PLXNB2: variants seen among roughly 807,000 people sequenced by gnomAD.
The protein encoded by PLXNB2 is plexin-B2.
A neutral mutation model predicts 202.6 loss-of-function variants in PLXNB2; 85 were observed. The ratio of observed to expected loss-of-function variants is 0.42; its 90% CI spans 0.35 to 0.50. PLXNB2 has a LOEUF of 0.50. Among genes scored for constraint, PLXNB2 ranks in the 20% least tolerant of loss-of-function variants. PLXNB2 has a pLI of 0.02. For missense variants in PLXNB2, 2,063 were observed against 2,586.2 expected (o/e 0.80, Z 4.39); for synonymous variants, 1,239 against 1,137.6 (o/e 1.09, Z -1.79).
At chr22:50,276,548 G>T in intron 35 of PLXNB2, 81 bp downstream of exon 35, 1 of 1,218,588 alleles carries the variant, frequency 8.2e-7, no homozygotes, top group Non-Finnish European at 1.2e-6. Context: ...CATTACCCCT[G>T]CCCTGCAGCT....
Position 50,289,586 on chromosome 22 carries a change from G to A in PLXNB2, c.999C>T (p.Gly333=), listed in dbSNP as rs2066724861. Reference sequence around the variant, plus strand: ...AGAAGATGTCACGGGCCTCCCGGGTGCCTGTGTAACAGGCGTTGCGGTTGG... The same window carrying A: ...AGAAGATGTCACGGGCCTCCCGGGTACCTGTGTAACAGGCGTTGCGGTTGG... ...MEANRNACYT[G]TREARDIFYK... Residue 333 remains glycine, a synonymous_variant, in exon 3 of 37, where the codon GGC becomes GGT. Transcript: ENST00000359337. The surrounding 1 kb of genome is among the most constrained non-coding windows in gnomAD (Gnocchi z 8.0). The A allele has an allele frequency of 6.2e-6, 10 of 1,611,262 alleles. No individual in the cohort carries two copies. The highest frequency in any genetic ancestry group is 8.5e-6 in the Non-Finnish European group (10 of 1,179,896).
chr22:50,302,815 A>G (rs934090107), intron 1 of PLXNB2, among the ~76,000 whole-genome samples: 7 of 151,584 alleles, frequency 4.6e-5, no homozygotes, highest in South Asian at 2.1e-4. Flanking sequence ...CGCTGGTGGG[A>G]GGGAGGCCCT....
Position 50,278,023 on chromosome 22 carries a change from G to T in PLXNB2, c.4888-10C>A. The T allele has an allele frequency of 6.2e-7, 1 of 1,610,234 alleles. No individual in the cohort carries two copies. Among genetic ancestry groups the T allele is most frequent in the Non-Finnish European group, 8.5e-7 (1 of 1,177,728 alleles). On this transcript the variant is annotated splice_polypyrimidine_tract_variant and intron_variant, in intron 31 of 36. Transcript: ENST00000359337. ...ACTGCTGCAGTGTGCCCTGTGGGGG[G>T]GAGGGTCTCAGCGTGACGCCGTGGG...
chr22:50,275,891 C>T lies in PLXNB2; in HGVS notation c.5410G>A (p.Glu1804Lys), dbSNP rs149124212. ...CGCCCCCGGGGGCCTGACCCTACCT[C>T]GTCATAGTACTTCTGCGTGTATTGG... is the stretch of plus-strand genomic sequence containing the variant. The part of the protein sequence containing the change: ...LYQYTQKYYD[E>K]IINALEEDPA... The change falls in exon 36 of 37, where the codon GAG becomes AAG. Residue 1804 changes from glutamate (E) to lysine (K), a missense_variant and splice_region_variant. By Grantham distance (56) the Glu-to-Lys change is moderately conservative. Coordinates refer to ENST00000359337, the MANE Select transcript of PLXNB2 (RefSeq NM_012401.4). 6,466 of 1,612,508 alleles carry T rather than the reference C, an allele frequency of 4.0e-3. 40 individuals carry two copies. Among genetic ancestry groups the T allele is most frequent in the South Asian group, 9.1e-3 (833 of 91,070 alleles).
chr22:50,298,002 T>G (rs2067397621), intron 1 of PLXNB2, among the ~76,000 whole-genome samples: 1 of 152,126 alleles, frequency 6.6e-6, no homozygotes, highest in East Asian at 1.9e-4. Flanking sequence ...ACACCCTCCC[T>G]AACCCAGCCC....
At chr22:50,279,222 G>A (rs778304566) in intron 27 of PLXNB2, among the ~76,000 whole-genome samples, 15 of 152,160 alleles carry the variant, frequency 9.9e-5, no homozygotes, top group Non-Finnish European at 2.1e-4. Context: ...ACAGAAAGAC[G>A]GGGACGGCTC....
In PLXNB2 at chr22:50,278,286, C is replaced by CA; in HGVS notation, c.4733-16dup. 1.9e-6 allele frequency: 3 copies of CA among 1,610,044 alleles called. No individual in the cohort carries two copies. In the East Asian group the frequency reaches 6.7e-5, roughly 36 times the overall value. Reference sequence around the variant, plus strand: ...GAGGGCATGGCCTGTGGGGAGCGGGCACTGAGGGACCCCTACCCAGGTCTG... The same window carrying CA: ...GAGGGCATGGCCTGTGGGGAGCGGGCAACTGAGGGACCCCTACCCAGGTCTG... On this transcript the variant is annotated splice_polypyrimidine_tract_variant and intron_variant, in intron 30 of 36. Transcript: ENST00000359337.
chr22:50,303,400 C>T (rs2067778776), intron 1 of PLXNB2, among the ~76,000 whole-genome samples: 1 of 152,220 alleles, frequency 6.6e-6, no homozygotes, highest in Non-Finnish European at 1.5e-5. Context: ...CCCCAGACGC[C>T]AATCTGACAG....
At position 50,283,160 on chromosome 22, in the gene PLXNB2, C is replaced by T. The variant is rs569879746; in HGVS notation, c.2706G>A (p.Pro902=). ...TGCCGCCCGCCTGCGGTCCCTGCTG[C>T]GGCTCCACACTGAGAGGCTTGGGCT... ...FQQPKPLSVE[P]QQGPQAGGTT... The change falls in exon 17 of 37, where the codon CCG becomes CCA. Residue 902 remains proline, a synonymous_variant. Coordinates refer to ENST00000359337, the MANE Select transcript of PLXNB2 (RefSeq NM_012401.4). The T allele has an allele frequency of 4.4e-5, 71 of 1,597,860 alleles. No individual in the cohort carries two copies. Among genetic ancestry groups the T allele is most frequent in the South Asian group, 3.7e-4 (33 of 89,418 alleles).
intron 2 of PLXNB2, among the ~76,000 whole-genome samples, chr22:50,292,592 C>A (rs534221460): frequency 1.3e-5 from 2 of 152,160 alleles, no homozygotes; most frequent in East Asian, 3.9e-4. Flanking sequence ...CTTTTGACAA[C>A]CCCCCAAACC....
intron 1 of PLXNB2, among the ~76,000 whole-genome samples, chr22:50,296,278 T>A (rs1444925094): frequency 7.0e-5 from 10 of 143,592 alleles, no homozygotes; most frequent in African/African-American, 2.9e-4. Flanking sequence ...TGGCCGCGTG[T>A]GGTGGTACAG....
At chr22:50,287,916 C>G (rs773376452) in intron 6 of PLXNB2, 21 bp downstream of exon 6, 2 of 1,580,920 alleles carry the variant, frequency 1.3e-6, no homozygotes, top group Non-Finnish European at 1.7e-6. Flanking sequence ...GCCGTGTCCC[C>G]GAGCCACCCC....
chr22:50,276,992 C>G (rs1383115748), intron 33 of PLXNB2, 86 bp from the exon 34 acceptor site: 1 of 917,804 alleles, frequency 1.1e-6, no homozygotes, highest in Non-Finnish European at 1.7e-6. Flanking sequence ...TCCCCTGCCC[C>G]GAACTCCTGA....
chr22:50,289,529 G>A lies in PLXNB2; in HGVS notation c.1056C>T (p.Gly352=), dbSNP rs749534719. The change falls in exon 3 of 37, where the codon GGC becomes GGT. Residue 352 remains glycine, a synonymous_variant. Coordinates refer to ENST00000359337, the MANE Select transcript of PLXNB2 (RefSeq NM_012401.4). This position sits in a 1 kb window ranked among gnomAD's most constrained non-coding sequence, Gnocchi z 8.0. ...CTGAGGCCCATACCGGCGCGTGGCCGCCGCACTGGATATCGCCGTGGAAGG... is the reference window on the plus strand; with the variant it reads ...CTGAGGCCCATACCGGCGCGTGGCCACCGCACTGGATATCGCCGTGGAAGG... The part of the protein sequence containing the change: ...YKPFHGDIQC[G]GHAPGSSKSF... The A allele has an allele frequency of 2.8e-5, 45 of 1,609,266 alleles. No individual in the cohort carries two copies. The highest frequency in any genetic ancestry group is 5.0e-5 in the Admixed American group (3 of 59,848).
intron 34 of PLXNB2, 41 bp from the exon 35 acceptor site, chr22:50,276,745 C>T: frequency 6.2e-7 from 1 of 1,605,462 alleles, no homozygotes; most frequent in Non-Finnish European, 8.5e-7. Flanking sequence ...GCGGCAGGGA[C>T]CACAAAGGGG....
Position 50,282,840 on chromosome 22 carries a change from TG to T in PLXNB2, c.2857del (p.Gln953ArgfsTer58). The T allele has an allele frequency of 6.2e-7, 1 of 1,612,498 alleles. No homozygotes were observed. Among genetic ancestry groups the T allele is most frequent in the Non-Finnish European group, 8.5e-7 (1 of 1,179,508 alleles). ...GAQLQCVTGPQATRGQMLLEV... is the reference protein window; with the variant it reads ...GAQLQCVTGPXATRGQMLLEV... Reference sequence around the variant, plus strand: ...CAGAAGCATCTGGCCCCGTGTCGCCTGGGGGCCAGTGACACACTGGAGCTGC... The same window carrying T: ...CAGAAGCATCTGGCCCCGTGTCGCCTGGGGCCAGTGACACACTGGAGCTGC... On this transcript the variant is annotated frameshift_variant, in exon 18 of 37. Coordinates refer to ENST00000359337, the MANE Select transcript of PLXNB2 (RefSeq NM_012401.4). LOFTEE classifies it high-confidence loss of function.
intron 8 of PLXNB2, among the ~76,000 whole-genome samples, 175 bp from the exon 9 acceptor site, chr22:50,286,462 C>T (rs1050289270): frequency 2.0e-5 from 3 of 152,100 alleles, no homozygotes; most frequent in South Asian, 4.2e-4. Flanking sequence ...TATCAGATCT[C>T]GGGTGGGGCT....
intron 7 of PLXNB2, 96 bp from the exon 8 acceptor site, chr22:50,287,360 C>T (rs1383132684): frequency 1.5e-6 from 2 of 1,332,822 alleles, no homozygotes; most frequent in Middle Eastern, 2.1e-4. Flanking sequence ...GGCGCACGTC[C>T]CAGTGGAGCC....
Position 50,281,086 on chromosome 22 carries a change from T to TA in PLXNB2, c.3763+2dup. On this transcript the variant is annotated splice_region_variant and intron_variant, in intron 23 of 36. Transcript: ENST00000359337. Reference sequence around the variant, plus strand: ...CCAGCACCAGCCCCCAAGCGGTCCCTACCTGTGAATTCCTTCTTGCAGCGG... The same window carrying TA: ...CCAGCACCAGCCCCCAAGCGGTCCCTAACCTGTGAATTCCTTCTTGCAGCGG... 6.2e-7 allele frequency: 1 copy of TA among 1,612,232 alleles called. No individual in the cohort carries two copies. Among genetic ancestry groups the TA allele is most frequent in the African/African-American group, 1.3e-5 (1 of 75,012 alleles).
Sources: allele counts gnomAD v4.1 joint callset (sites outside exome capture counted in the v4.1 genomes callset), GRCh38; gene constraint gnomAD v4.1.1; non-coding constraint Gnocchi (gnomAD v3.1); transcripts MANE v1.5; gene names NCBI Gene and HGNC (gene_info 2026-07-23, HGNC 2026-07-21).